Variants in TENM4 observed in about 807,000 individuals in gnomAD.
TENM4 encodes teneurin transmembrane protein 4.
In TENM4, 82 loss-of-function variants were observed where a neutral mutation model predicts 243.3. The observed-to-expected ratio is 0.34, with a 90% CI of 0.28 to 0.40. The LOEUF (loss-of-function observed/expected upper bound fraction) is 0.40. Ranked by LOEUF, TENM4 falls within the 10% of genes least tolerant of loss-of-function variation. The pLI, the probability that TENM4 is intolerant of heterozygous loss-of-function variation, is 1.00. For missense variants in TENM4, 3,138 were observed against 3,673.3 expected (o/e 0.85, Z 3.77); for synonymous variants, 1,412 against 1,456.3 (o/e 0.97, Z 0.69).
rs534716372 is a variant in TENM4, at chr11:79,060,964, G to C, written c.493+3774C>G. ...CAAGAAAAGGAGAGGTCTGGCTGGGGCCCAGGGGTTTGTTGAGGTCAGTGG... is the reference window on the plus strand; with the variant it reads ...CAAGAAAAGGAGAGGTCTGGCTGGGCCCCAGGGGTTTGTTGAGGTCAGTGG... On this transcript the variant is annotated intron_variant, in intron 6 of 33. Coordinates refer to ENST00000278550, the MANE Select transcript of TENM4 (RefSeq NM_001098816.3). 8.5e-5 allele frequency among the ~76,000 whole-genome samples: 13 copies of C among 152,286 alleles called. No individual in the cohort carries two copies. In the East Asian group the frequency reaches 1.9e-3, roughly 23 times the overall value.
chr11:78,764,029 C>T (rs1225463538), intron 18 of TENM4, among the ~76,000 whole-genome samples: 1 of 146,442 alleles, frequency 6.8e-6, no homozygotes, highest in Non-Finnish European at 1.5e-5. Context: ...CCCTCATTTC[C>T]CTTTCTTGTG....
chr11:79,360,387 T>A (rs1311771060), intron 1 of TENM4, among the ~76,000 whole-genome samples: 1 of 152,210 alleles, frequency 6.6e-6, no homozygotes, highest in African/African-American at 2.4e-5. Flanking sequence ...CACATGACAT[T>A]TCTTCCCACT....
At chr11:79,054,355 C>G (rs553595531) in intron 6 of TENM4, among the ~76,000 whole-genome samples, 1 of 152,232 alleles carries the variant, frequency 6.6e-6, no homozygotes, top group East Asian at 1.9e-4. Context: ...GATACTTAGT[C>G]ATTCTCAGAA....
intron 2 of TENM4, among the ~76,000 whole-genome samples, chr11:79,293,925 A>G (rs1856400138): frequency 6.6e-6 from 1 of 152,216 alleles, no homozygotes; most frequent in Non-Finnish European, 1.5e-5. Flanking sequence ...ACCTGTAGGC[A>G]GAAAGAGGTT....
chr11:78,970,953 T>A (rs888773018), intron 6 of TENM4, among the ~76,000 whole-genome samples: 1 of 152,136 alleles, frequency 6.6e-6, no homozygotes, highest in Admixed American at 6.5e-5. Context: ...TTAATATGCT[T>A]TTATATCTTC....
At chr11:79,218,235 C>CCG (rs780989645) in intron 2 of TENM4, among the ~76,000 whole-genome samples, 37 of 43,048 alleles carry the variant, frequency 8.6e-4, no homozygotes, top group Non-Finnish European at 1.3e-3. Context: ...CCCCTGCCCA[C>CCG]CCACCCCCGA....
intron 1 of TENM4, among the ~76,000 whole-genome samples, chr11:79,319,466 GA>G (rs984170201): frequency 2.6e-5 from 4 of 151,976 alleles, no homozygotes; most frequent in African/African-American, 7.2e-5. Context: ...ATAATAAACA[GA>G]AAAAACCCTA....
intron 4 of TENM4, among the ~76,000 whole-genome samples, chr11:79,148,373 A>G (rs1478758801): frequency 6.6e-6 from 1 of 152,094 alleles, no homozygotes; most frequent in African/African-American, 2.4e-5. Context: ...ACCAACCTCC[A>G]AACCAGTCCC....
At chr11:79,280,676 A>G (rs1043123333) in intron 2 of TENM4, among the ~76,000 whole-genome samples, 2 of 152,300 alleles carry the variant, frequency 1.3e-5, no homozygotes, top group African/African-American at 4.8e-5. Flanking sequence ...ACCTGTCCCA[A>G]TTAACCCTCC....
intron 12 of TENM4, among the ~76,000 whole-genome samples, chr11:78,825,659 T>C (rs2136133013): frequency 6.6e-6 from 1 of 152,304 alleles, no homozygotes; most frequent in African/African-American, 2.4e-5. Flanking sequence ...GGCTTGGTCC[T>C]CCAGGAGGTA....
chr11:78,899,542 C>T (rs1262367400), intron 7 of TENM4, among the ~76,000 whole-genome samples: 1 of 122,326 alleles, frequency 8.2e-6, no homozygotes, highest in African/African-American at 3.3e-5. Context: ...CATGCCACTG[C>T]ACTCTGTCTC....
rs151199034 is a variant in TENM4 at position 79,106,933 on chromosome 11, A to G, written c.-65-36924T>C. On this transcript the variant is annotated intron_variant, in intron 4 of 33. Transcript: ENST00000278550. The stretch of plus-strand genomic sequence containing the variant: ...AACAATAACTATTTGACCAAAGAGT[A>G]ATTGTCTAGAATATACTTTCTTATT... 2.8e-3 allele frequency among the ~76,000 whole-genome samples: 424 copies of G among 152,330 alleles called. 2 individuals carry two copies. The highest frequency in any genetic ancestry group is 1.0e-2 in the African/African-American group (414 of 41,572).
chr11:79,317,738 G>A (rs996333539), intron 1 of TENM4, among the ~76,000 whole-genome samples: 4 of 152,104 alleles, frequency 2.6e-5, no homozygotes, highest in African/African-American at 9.7e-5. Flanking sequence ...TCATTGAACT[G>A]CCTTTCTGCC....
intron 15 of TENM4, among the ~76,000 whole-genome samples, chr11:78,796,204 C>A (rs1268454491): frequency 6.6e-6 from 1 of 152,152 alleles, no homozygotes; most frequent in East Asian, 1.9e-4. Flanking sequence ...AAGCAGTAAG[C>A]CACTGCTATT....
chr11:79,167,712 T>G (rs1271206463), intron 3 of TENM4, among the ~76,000 whole-genome samples: 1 of 151,732 alleles, frequency 6.6e-6, no homozygotes, highest in Non-Finnish European at 1.5e-5. Flanking sequence ...GGTGGCAGGG[T>G]AGGAGGGGAA....
chr11:79,072,523 C>CA (rs1860440402), intron 4 of TENM4, among the ~76,000 whole-genome samples: 2 of 152,032 alleles, frequency 1.3e-5, no homozygotes, highest in South Asian at 2.1e-4. Context: ...ACATAATGAC[C>CA]CACTACACAC....
intron 1 of TENM4, among the ~76,000 whole-genome samples, chr11:79,329,439 T>C (rs571658789): frequency 6.3e-4 from 96 of 152,266 alleles, no homozygotes; most frequent in Middle Eastern, 3.4e-3. Flanking sequence ...AGCTTTTGTT[T>C]TGGTGGAGAG....
chr11:79,302,458 G>C (rs1182041444), intron 1 of TENM4, among the ~76,000 whole-genome samples: 1 of 152,096 alleles, frequency 6.6e-6, no homozygotes, highest in Non-Finnish European at 1.5e-5. Flanking sequence ...CTCTTAAGTG[G>C]ACTTAATTTC....
chr11:79,223,798 C>A (rs1027109477), intron 2 of TENM4, among the ~76,000 whole-genome samples: 3 of 152,216 alleles, frequency 2.0e-5, no homozygotes, highest in African/African-American at 7.2e-5. Flanking sequence ...TCTGGTGAAG[C>A]ATCTCCCCTC....
Sources: gnomAD v4.1 joint callset for allele counts (sites outside exome capture counted in the v4.1 genomes callset) on GRCh38, gnomAD v4.1.1 for gene constraint, MANE v1.5 for transcripts, NCBI Gene and HGNC (gene_info 2026-07-23, HGNC 2026-07-21) for gene names.